EXOC6B: variants seen among roughly 807,000 people sequenced by gnomAD.
EXOC6B encodes the protein SEC15 homolog B.
A neutral mutation model predicts 113.5 loss-of-function variants in EXOC6B; 54 were observed. That is an observed-to-expected ratio of 0.48 (90% confidence interval 0.38 to 0.60). The LOEUF (loss-of-function observed/expected upper bound fraction) is 0.60. Among genes scored for constraint, EXOC6B ranks in the 20% least tolerant of loss-of-function variants. EXOC6B has a pLI of 0.00. For missense variants in EXOC6B, 797 were observed against 977.5 expected (o/e 0.82, Z 2.46); for synonymous variants, 357 against 339.0 (o/e 1.05, Z -0.58).
intron 19 of EXOC6B, among the ~76,000 whole-genome samples, chr2:72,346,583 T>G (rs1689352627): frequency 6.6e-6 from 1 of 152,144 alleles, no homozygotes; most frequent in South Asian, 2.1e-4. Context: ...ACGAAGACGA[T>G]TATCATTTTC....
At chr2:72,195,922 A>ATG (rs1325930176) in intron 20 of EXOC6B, among the ~76,000 whole-genome samples, 2 of 152,220 alleles carry the variant, frequency 1.3e-5, no homozygotes, top group African/African-American at 4.8e-5. Flanking sequence ...TAATATTAGT[A>ATG]TGTGTGTATG....
chr2:72,280,047 T>TA (rs538353630), intron 20 of EXOC6B, among the ~76,000 whole-genome samples: 15 of 152,320 alleles, frequency 9.8e-5, no homozygotes, highest in Non-Finnish European at 1.9e-4. Context: ...AAATGCTTCT[T>TA]AAAAATACAT....
chr2:72,706,140 C>T (rs1442839027), intron 6 of EXOC6B, among the ~76,000 whole-genome samples: 1 of 152,128 alleles, frequency 6.6e-6, no homozygotes, highest in Admixed American at 6.5e-5. Flanking sequence ...ATGAATGCAT[C>T]CCTTCTGGAT....
At chr2:72,358,428 T>C (rs1221564739) in intron 19 of EXOC6B, among the ~76,000 whole-genome samples, 1 of 152,148 alleles carries the variant, frequency 6.6e-6, no homozygotes, top group African/African-American at 2.4e-5. Flanking sequence ...AAATTGAAGT[T>C]GTAATACAAT....
chr2:72,611,625 A>G (rs537590829), intron 6 of EXOC6B, among the ~76,000 whole-genome samples: 7 of 152,292 alleles, frequency 4.6e-5, no homozygotes, highest in African/African-American at 1.7e-4. Flanking sequence ...CTGGTTGAGG[A>G]GGATATAGGA....
chr2:72,350,626 A>C (rs1434282754), intron 19 of EXOC6B, among the ~76,000 whole-genome samples: 1 of 152,216 alleles, frequency 6.6e-6, no homozygotes, highest in Non-Finnish European at 1.5e-5. Flanking sequence ...AATCTCTGCC[A>C]GTGAAATCTG....
chr2:72,248,947 T>C (rs973479697), intron 20 of EXOC6B, among the ~76,000 whole-genome samples: 1 of 152,304 alleles, frequency 6.6e-6, no homozygotes, highest in South Asian at 2.1e-4. Flanking sequence ...ATCAAATTTC[T>C]AGTTTCAACA....
At chr2:72,393,918 T>A (rs961420261) in intron 18 of EXOC6B, among the ~76,000 whole-genome samples, 5 of 151,976 alleles carry the variant, frequency 3.3e-5, no homozygotes, top group African/African-American at 7.2e-5. Context: ...AAAGAAAAAA[T>A]ATATATAAAG....
rs143287059 is a variant in EXOC6B, at chr2:72,644,525, C to T, written c.670-68857G>A. 9.7e-3 allele frequency among the ~76,000 whole-genome samples: 1,477 copies of T among 152,162 alleles called. 37 individuals are homozygous for T. The highest frequency in any genetic ancestry group is 0.034 in the African/African-American group (1,424 of 41,522). On this transcript the variant is annotated intron_variant, in intron 6 of 21. Transcript: ENST00000272427. ...GTTGAAATGAAGGAAAAAATGTTAA[C>T]GGCAACCAGAGAGAAAGGTCAGGTT...
chr2:72,189,392 C>T (rs144644085), intron 20 of EXOC6B, among the ~76,000 whole-genome samples: 13 of 152,282 alleles, frequency 8.5e-5, no homozygotes, highest in African/African-American at 2.9e-4. Flanking sequence ...CAGGGTATCA[C>T]CTCTGGAGGC....
At chr2:72,465,659 T>C (rs984888959) in intron 17 of EXOC6B, among the ~76,000 whole-genome samples, 1 of 152,174 alleles carries the variant, frequency 6.6e-6, no homozygotes, top group Non-Finnish European at 1.5e-5. Flanking sequence ...GAGATTAATA[T>C]TCTTACAAAA....
chr2:72,701,338 C>T (rs1678328345), intron 6 of EXOC6B, among the ~76,000 whole-genome samples: 1 of 129,948 alleles, frequency 7.7e-6, no homozygotes, highest in African/African-American at 2.9e-5. Flanking sequence ...AAGACTCCAT[C>T]TTCAAAAAAA....
rs1199303054 is a variant in EXOC6B, at chr2:72,496,489, C to T, written c.1408G>A (p.Gly470Arg). ...TCTATATCTTGAAATGGGAATTGTC[C>T]TACCACCTTTTTGTACATCTCTTCA... ...TSEEMYKKVV[G>R]QFPFQDIELE... is the part of the protein sequence containing the mutation. Residue 470 changes from glycine to arginine, a missense_variant, in exon 14 of 22, where the codon GGA becomes AGA. Coordinates refer to ENST00000272427, the MANE Select transcript of EXOC6B (RefSeq NM_015189.3). The T allele has an allele frequency of 8.7e-6, 14 of 1,600,886 alleles. No individual in the cohort carries two copies. The highest frequency in any genetic ancestry group is 1.2e-5 in the Non-Finnish European group (14 of 1,171,932).
chr2:72,570,964 T>C (rs1704478783), intron 7 of EXOC6B, among the ~76,000 whole-genome samples: 2 of 152,200 alleles, frequency 1.3e-5, no homozygotes, highest in South Asian at 4.1e-4. Context: ...AAAGGCATTA[T>C]ATACATTATT....
chr2:72,550,811 A>C (rs1703167419), intron 8 of EXOC6B, among the ~76,000 whole-genome samples: 1 of 152,102 alleles, frequency 6.6e-6, no homozygotes, highest in South Asian at 2.1e-4. Context: ...CCCTATCTAC[A>C]TGTCTATAGT....
chr2:72,586,358 C>A (rs1705570773), intron 6 of EXOC6B, among the ~76,000 whole-genome samples: 1 of 152,078 alleles, frequency 6.6e-6, no homozygotes, highest in South Asian at 2.1e-4. Flanking sequence ...CATCTGATAT[C>A]CAGAATCTAT....
At chr2:72,499,622 T>A (rs1021272244) in intron 12 of EXOC6B, among the ~76,000 whole-genome samples, 2 of 151,690 alleles carry the variant, frequency 1.3e-5, no homozygotes, top group Non-Finnish European at 2.9e-5. Flanking sequence ...TGGACTCCTA[T>A]GTTCAGGCAA....
At chr2:72,184,393 T>C (rs1395578461) in intron 20 of EXOC6B, among the ~76,000 whole-genome samples, 1 of 152,200 alleles carries the variant, frequency 6.6e-6, no homozygotes, top group Non-Finnish European at 1.5e-5. Flanking sequence ...ATCTCTGCCA[T>C]AAGCAGTATG....
Position 72,189,863 on chromosome 2 carries a change from T to C in EXOC6B, c.2197-5676A>G, listed in dbSNP as rs372877574. ...CTCTCTCTTTCTCCTTCTTCTTCTT[T>C]TTTTTTTTTTTTTTTTTGAGGCAGA... On this transcript the variant is annotated intron_variant, in intron 20 of 21. Transcript: ENST00000272427. Among the ~76,000 whole-genome samples the C allele has an allele frequency of 3.8e-3, 425 of 110,820 alleles. 2 individuals are homozygous for C. Among genetic ancestry groups the C allele is most frequent in the African/African-American group, 0.012 (254 of 20,440 alleles). The allele number at this position is 110,820 out of a possible 152,430, so 72.7% of individuals were successfully genotyped here.
Sources: allele counts gnomAD v4.1 joint callset (sites outside exome capture counted in the v4.1 genomes callset), GRCh38; gene constraint gnomAD v4.1.1; transcripts MANE v1.5; gene names NCBI Gene and HGNC (gene_info 2026-07-23, HGNC 2026-07-21).